ARHGAP42: variants seen among roughly 807,000 people sequenced by gnomAD.
The protein encoded by ARHGAP42 is rho GTPase-activating protein 42.
ARHGAP42 carries 63 observed loss-of-function variants against 125.0 expected under a neutral mutation model. The ratio of observed to expected loss-of-function variants is 0.50; its 90% confidence interval spans 0.41 to 0.62. ARHGAP42 has a LOEUF of 0.62. ARHGAP42 is among the 20% of genes least tolerant of loss of function. The pLI, the probability that ARHGAP42 is intolerant of heterozygous loss-of-function variation, is 0.00. For synonymous variants in ARHGAP42, 339 were observed against 351.0 expected (o/e 0.97, Z 0.38); for missense variants, 766 against 1,024.2 (o/e 0.75, Z 3.44).
intron 2 of ARHGAP42, among the ~76,000 whole-genome samples, chr11:100,785,408 A>G (rs1265127874): frequency 6.6e-6 from 1 of 152,180 alleles, no homozygotes; most frequent in Non-Finnish European, 1.5e-5. Context: ...ATTAGGAGTG[A>G]ACTAGAGTTG....
chr11:100,929,010 A>C (rs773511416), intron 6 of ARHGAP42, among the ~76,000 whole-genome samples: 8 of 152,138 alleles, frequency 5.3e-5, no homozygotes, highest in Non-Finnish European at 1.0e-4. Context: ...TGCTTATCCA[A>C]ATATTAGTTG....
At chr11:100,826,272 T>C (rs1198791365) in intron 3 of ARHGAP42, among the ~76,000 whole-genome samples, 2 of 152,190 alleles carry the variant, frequency 1.3e-5, no homozygotes, top group Non-Finnish European at 2.9e-5. Context: ...ATGAGATGGC[T>C]ATTGAACGTA....
chr11:100,794,071 G>T (rs1863643125), intron 2 of ARHGAP42, among the ~76,000 whole-genome samples: 2 of 68,272 alleles, frequency 2.9e-5, no homozygotes, highest in East Asian at 5.4e-4. Context: ...GCTAGACCCT[G>T]TCTCAAAAAA....
At chr11:100,691,470 A>T (rs1347045583) in intron 1 of ARHGAP42, among the ~76,000 whole-genome samples, 1 of 152,190 alleles carries the variant, frequency 6.6e-6, no homozygotes, top group African/African-American at 2.4e-5. Context: ...AAAAGAGACA[A>T]AAAGAGAATA....
At chr11:100,852,544 C>G (rs1056943498) in intron 3 of ARHGAP42, among the ~76,000 whole-genome samples, 1 of 152,124 alleles carries the variant, frequency 6.6e-6, no homozygotes, top group Non-Finnish European at 1.5e-5. Context: ...TAAATTATCA[C>G]TTTGCTGAAG....
At chr11:100,904,470 C>A (rs1372126473) in intron 4 of ARHGAP42, among the ~76,000 whole-genome samples, 2 of 152,128 alleles carry the variant, frequency 1.3e-5, no homozygotes, top group African/African-American at 4.8e-5. Context: ...TGGTCTCGAA[C>A]TCCTGACCTC....
At chr11:100,795,444 C>T (rs1453262984) in intron 3 of ARHGAP42, among the ~76,000 whole-genome samples, 5 of 152,102 alleles carry the variant, frequency 3.3e-5, no homozygotes, top group Admixed American at 2.6e-4. Context: ...ATCAGACTGC[C>T]ATTAAGAAAC....
intron 4 of ARHGAP42, among the ~76,000 whole-genome samples, chr11:100,900,383 T>G (rs1476509926): frequency 1.3e-5 from 2 of 152,180 alleles, no homozygotes; most frequent in Non-Finnish European, 2.9e-5. Context: ...CAATTATGTG[T>G]TTTGGGGTTG....
At chr11:100,913,285 T>C (rs557546618) in intron 4 of ARHGAP42, among the ~76,000 whole-genome samples, 167 bp from the exon 5 acceptor site, 2 of 152,322 alleles carry the variant, frequency 1.3e-5, no homozygotes, top group East Asian at 3.9e-4. Context: ...CTGAAATGGC[T>C]TGTTTCACTT....
intron 4 of ARHGAP42, among the ~76,000 whole-genome samples, chr11:100,910,326 C>T (rs1434490707): frequency 6.6e-6 from 1 of 152,114 alleles, no homozygotes; most frequent in East Asian, 1.9e-4. Context: ...TCTTCTAGGA[C>T]ATCCCCTTCT....
chr11:100,962,315 A>G (rs1857975995), intron 15 of ARHGAP42, 94 bp from the exon 16 acceptor site: 2 of 961,502 alleles, frequency 2.1e-6, no homozygotes, highest in Admixed American at 5.3e-5. Context: ...TAATTGATGA[A>G]TAACAGTCAC....
intron 21 of ARHGAP42, among the ~76,000 whole-genome samples, chr11:100,977,757 A>T (rs780333249): frequency 2.6e-5 from 4 of 152,176 alleles, no homozygotes; most frequent in Non-Finnish European, 4.4e-5. Context: ...TTTAGAGATG[A>T]CGAGAACTGA....
intron 4 of ARHGAP42, among the ~76,000 whole-genome samples, chr11:100,912,394 C>G (rs1866946856): frequency 6.6e-6 from 1 of 151,750 alleles, no homozygotes; most frequent in Admixed American, 6.6e-5. Flanking sequence ...ACATAATGAA[C>G]TTGTTAAAAA....
chr11:100,882,636 CTT>C (rs1301909408), intron 4 of ARHGAP42, among the ~76,000 whole-genome samples: 1 of 152,006 alleles, frequency 6.6e-6, no homozygotes, highest in Non-Finnish European at 1.5e-5. Flanking sequence ...AGGATTCCCT[CTT>C]TCTCTCTCTT....
At position 100,946,499 on chromosome 11, in the gene ARHGAP42, G is replaced by A. The variant is rs149565669; in HGVS notation, c.1044-1958G>A. 3.2e-3 allele frequency among the ~76,000 whole-genome samples: 490 copies of A among 152,154 alleles called. 3 individuals are homozygous for A. Among genetic ancestry groups the A allele is most frequent in the African/African-American group, 0.011 (458 of 41,538 alleles). On this transcript the variant is annotated intron_variant, in intron 10 of 23. Coordinates refer to ENST00000298815, the MANE Select transcript of ARHGAP42 (RefSeq NM_152432.4). Reference sequence around the variant, plus strand: ...ATTTATAGCTTTTGATTTAACATGAGAGACATGTGAATCTTCCTTTCCCTT... The same window carrying A: ...ATTTATAGCTTTTGATTTAACATGAAAGACATGTGAATCTTCCTTTCCCTT...
At chr11:100,770,613 T>TGGCTGGAGAGAGA (rs1425535455) in intron 2 of ARHGAP42, among the ~76,000 whole-genome samples, 175 bp downstream of exon 2, 2 of 152,228 alleles carry the variant, frequency 1.3e-5, no homozygotes, top group South Asian at 2.1e-4. Context: ...AGTCTCTCTC[T>TGGCTGGAGAGAGA]GTCACCCAGG....
intron 1 of ARHGAP42, among the ~76,000 whole-genome samples, chr11:100,762,644 T>G (rs963346140): frequency 1.3e-5 from 2 of 152,218 alleles, no homozygotes; most frequent in African/African-American, 4.8e-5. Flanking sequence ...GATTGTGTTT[T>G]AAAACTTTGT....
At chr11:100,905,704 C>T (rs549370977) in intron 4 of ARHGAP42, among the ~76,000 whole-genome samples, 5 of 152,268 alleles carry the variant, frequency 3.3e-5, no homozygotes, top group Admixed American at 6.5e-5. Context: ...GGACCGGACA[C>T]AGTGGCTCAC....
intron 9 of ARHGAP42, 65 bp downstream of exon 9, chr11:100,941,949 C>A: frequency 1.7e-6 from 2 of 1,167,366 alleles, no homozygotes; most frequent in Admixed American, 2.9e-5. Context: ...GGAATTAAAA[C>A]AAAAAAATCA....
Sources: gnomAD v4.1 joint callset for allele counts (sites outside exome capture counted in the v4.1 genomes callset) on GRCh38, gnomAD v4.1.1 for gene constraint, MANE v1.5 for transcripts, NCBI Gene and HGNC (gene_info 2026-07-23, HGNC 2026-07-21) for gene names.